Variants in COPG2 observed in about 807,000 individuals in gnomAD.
COPG2 encodes the protein coat protein complex I subunit gamma 2, also known as coatomer subunit gamma-2.
In COPG2, 37 loss-of-function variants were observed where a neutral mutation model predicts 46.3. The ratio of observed to expected loss-of-function variants is 0.80; its 90% CI spans 0.61 to 1.05. The LOEUF (loss-of-function observed/expected upper bound fraction) is 1.05, where lower values mean the gene tolerates loss of function less well. Among genes scored for constraint, COPG2 ranks in the 50% least tolerant of loss-of-function variants. COPG2 has a pLI of 0.00. For synonymous variants in COPG2, 159 were observed against 129.7 expected (o/e 1.23, Z -1.53); for missense variants, 427 against 387.8 (o/e 1.10, Z -0.85).
At chr7:130,530,452 A>T (rs1325910302) in intron 20 of COPG2, among the ~76,000 whole-genome samples, 5 of 152,232 alleles carry the variant, frequency 3.3e-5, no homozygotes, top group African/African-American at 4.8e-5. Flanking sequence ...CGCTAGCCTG[A>T]ATCAGTGGAA....
intron 1 of COPG2, among the ~76,000 whole-genome samples, chr7:130,668,429 G>C (rs1400772065): frequency 3.4e-5 from 5 of 148,804 alleles, no homozygotes; most frequent in Non-Finnish European, 6.0e-5. Flanking sequence ...CGCGCGGCCC[G>C]AAGGGAGGCT....
chr7:130,652,927 A>G lies in COPG2; in HGVS notation c.265T>C (p.Tyr89His). Residue 89 changes from tyrosine to histidine, a missense_variant, in exon 5 of 24, where the codon TAC becomes CAC. Physicochemically the swap from Tyr to His is moderately conservative, Grantham distance 83. Coordinates refer to ENST00000425248, the MANE Select transcript of COPG2 (RefSeq NM_012133.6). The part of the protein sequence containing the change: ...SNDQTLRRMC[Y>H]LTIKEMATIS... ...GTAGCCATTTCTTTGATGGTAAGGTAGCACATTCTCCTCAATGTTTGCTGA... is the reference window on the plus strand; with the variant it reads ...GTAGCCATTTCTTTGATGGTAAGGTGGCACATTCTCCTCAATGTTTGCTGA... 1 of 1,603,938 alleles carries G rather than the reference A, an allele frequency of 6.2e-7. No homozygotes were observed. The highest frequency in any genetic ancestry group is 8.5e-7 in the Non-Finnish European group (1 of 1,173,554).
chr7:130,545,390 A>G (rs1793424368), intron 20 of COPG2, among the ~76,000 whole-genome samples: 1 of 152,162 alleles, frequency 6.6e-6, no homozygotes, highest in African/African-American at 2.4e-5. Context: ...ATTATAAGGA[A>G]AAATATTATT....
At position 130,609,914 on chromosome 7, in the gene COPG2, G is replaced by A. The variant is rs533598413; in HGVS notation, c.737+1039C>T. ...TTTTGTCCATCTTTTCCACTCTTTA[G>A]TGGAAAGATGTAATTTACAAAAGTT... is the stretch of plus-strand genomic sequence containing the variant. On this transcript the variant is annotated intron_variant, in intron 9 of 23. Coordinates refer to ENST00000425248, the MANE Select transcript of COPG2 (RefSeq NM_012133.6). Among the ~76,000 whole-genome samples, 8 of 152,054 alleles carry A rather than the reference G, an allele frequency of 5.3e-5. 1 individual carries two copies. Among genetic ancestry groups the A allele is most frequent in the African/African-American group, 1.9e-4 (8 of 41,488 alleles).
At chr7:130,561,960 A>C (rs1793728399) in intron 11 of COPG2, among the ~76,000 whole-genome samples, 1 of 152,234 alleles carries the variant, frequency 6.6e-6, no homozygotes, top group Admixed American at 6.5e-5. Context: ...AGTAAATAAG[A>C]GATAACACCA....
chr7:130,605,580 CT>C (rs1794712538), intron 9 of COPG2: 1 of 397,132 alleles, frequency 2.5e-6, no homozygotes, highest in Admixed American at 2.9e-5. Flanking sequence ...AAAGAGAGGC[CT>C]TTAGTTGCTC....
intron 20 of COPG2, among the ~76,000 whole-genome samples, chr7:130,517,418 C>T (rs1799688447): frequency 6.6e-6 from 1 of 152,168 alleles, no homozygotes; most frequent in African/African-American, 2.4e-5. Context: ...TCTAACAGAG[C>T]TTCGGGGACC....
At chr7:130,513,786 A>C (rs1465068356) in intron 20 of COPG2, among the ~76,000 whole-genome samples, 1 of 152,210 alleles carries the variant, frequency 6.6e-6, no homozygotes, top group Non-Finnish European at 1.5e-5. Context: ...ATTCATGAGA[A>C]TGATACACAA....
chr7:130,534,307 G>A (rs1047348688), intron 20 of COPG2, among the ~76,000 whole-genome samples: 1 of 152,098 alleles, frequency 6.6e-6, no homozygotes, highest in Admixed American at 6.6e-5. Flanking sequence ...ACTTGGTGAT[G>A]GACTCATATC....
chr7:130,627,009 T>G (rs1795132203), intron 5 of COPG2, among the ~76,000 whole-genome samples: 4 of 152,178 alleles, frequency 2.6e-5, no homozygotes, highest in Admixed American at 2.0e-4. Context: ...CTCAGCCTCC[T>G]GAGTAGCTGG....
At chr7:130,530,723 G>A (rs1799816134) in intron 20 of COPG2, among the ~76,000 whole-genome samples, 1 of 152,040 alleles carries the variant, frequency 6.6e-6, no homozygotes, top group Admixed American at 6.6e-5. Flanking sequence ...ATGTGGAAGT[G>A]GGACGATGAG....
At chr7:130,577,660 C>G (rs1248997786) in intron 9 of COPG2, among the ~76,000 whole-genome samples, 1 of 150,430 alleles carries the variant, frequency 6.6e-6, no homozygotes, top group Non-Finnish European at 1.5e-5. Context: ...ACTCGGGAGG[C>G]TGAGGCAGGA....
At chr7:130,642,311 G>A (rs536602211) in intron 5 of COPG2, among the ~76,000 whole-genome samples, 1 of 151,416 alleles carries the variant, frequency 6.6e-6, no homozygotes, top group African/African-American at 2.4e-5. Flanking sequence ...TGCTAAATCA[G>A]TTTTGGCAAT....
At chr7:130,610,390 G>T in intron 9 of COPG2, 1 of 353,606 alleles carries the variant, frequency 2.8e-6, no homozygotes. Context: ...AGTTTGCCAG[G>T]CCACATAAGA....
At chr7:130,644,644 A>AT (rs534253896) in intron 5 of COPG2, among the ~76,000 whole-genome samples, 195 of 152,330 alleles carry the variant, frequency 1.3e-3, no homozygotes, top group Non-Finnish European at 1.9e-3. Flanking sequence ...TGTTAAGTGA[A>AT]TACCTTGGAA....
At chr7:130,507,505 G>A (rs1799517426) in intron 22 of COPG2, 133 bp from the exon 23 acceptor site, 1 of 689,990 alleles carries the variant, frequency 1.4e-6, no homozygotes, top group Non-Finnish European at 2.6e-6. Flanking sequence ...TGTAGAGGGA[G>A]GCTACTACTG....
At position 130,612,166 on chromosome 7, in the gene COPG2, T is replaced by C; in HGVS notation, c.565A>G (p.Asn189Asp). 6.2e-7 allele frequency: 1 copy of C among 1,609,626 alleles called. No homozygotes were observed. Residue 189 changes from asparagine to aspartate, a missense_variant, in exon 8 of 24, where the codon AAT becomes GAT. Asn to Asp is a conservative substitution (Grantham distance 23). Transcript: ENST00000425248. The part of the protein sequence containing the change: ...NEAQEAASSD[N>D]IMVQYHALGV... ...AATGACAATACCTGGACCATAATAT[T>C]ATCACTTGATGCAGCTTCTTGGGCT...
intron 11 of COPG2, among the ~76,000 whole-genome samples, chr7:130,562,302 T>C (rs1214327835): frequency 6.6e-6 from 1 of 152,144 alleles, no homozygotes; most frequent in Non-Finnish European, 1.5e-5. Flanking sequence ...GAGGTTGCAG[T>C]GTGCCAAGAT....
At chr7:130,657,668 C>T (rs1434195172) in intron 4 of COPG2, among the ~76,000 whole-genome samples, 1 of 152,008 alleles carries the variant, frequency 6.6e-6, no homozygotes, top group Admixed American at 6.5e-5. Flanking sequence ...TGCATAAAGA[C>T]CTCTTAAAAC....
Sources: allele counts gnomAD v4.1 joint callset (sites outside exome capture counted in the v4.1 genomes callset), GRCh38; gene constraint gnomAD v4.1.1; transcripts MANE v1.5; gene names NCBI Gene and HGNC (gene_info 2026-07-23, HGNC 2026-07-21).